CSMD1: variants seen among roughly 807,000 people sequenced by gnomAD.
The protein encoded by CSMD1 is CUB and Sushi multiple domains 1.
Under a neutral mutation model 417.5 loss-of-function variants are expected in CSMD1, and 213 were observed. The ratio of observed to expected loss-of-function variants is 0.51; its 90% CI spans 0.46 to 0.57. The LOEUF is 0.57. Ranked by LOEUF, CSMD1 falls within the 20% of genes least tolerant of loss-of-function variation. CSMD1 has a pLI of 0.00. For synonymous variants in CSMD1, 2,862 were observed against 1,736.8 expected (o/e 1.65, Z -16.11); for missense variants, 6,923 against 4,529.7 (o/e 1.53, Z -15.17).
At chr8:4,665,558 T>C (rs192572517) in intron 1 of CSMD1, among the ~76,000 whole-genome samples, 27 of 152,286 alleles carry the variant, frequency 1.8e-4, no homozygotes, top group Admixed American at 1.8e-3. Context: ...AGTGATATGA[T>C]TTCCATCTCT....
intron 7 of CSMD1, among the ~76,000 whole-genome samples, chr8:3,631,958 A>G (rs558396749): frequency 6.6e-6 from 1 of 152,356 alleles, no homozygotes; most frequent in African/African-American, 2.4e-5. Context: ...AAATTTCAAC[A>G]TAGTAGCCTC....
chr8:3,136,701 A>G (rs568021607), intron 41 of CSMD1, among the ~76,000 whole-genome samples: 1 of 152,292 alleles, frequency 6.6e-6, no homozygotes, highest in African/African-American at 2.4e-5. Flanking sequence ...CATGGGTAGG[A>G]CCACCAGTGC....
chr8:3,514,843 G>A (rs973869772), intron 10 of CSMD1, among the ~76,000 whole-genome samples: 1 of 151,932 alleles, frequency 6.6e-6, no homozygotes, highest in Non-Finnish European at 1.5e-5. Flanking sequence ...ACATATTGCT[G>A]ATAATATCTA....
intron 3 of CSMD1, among the ~76,000 whole-genome samples, chr8:4,244,025 C>T (rs1802551366): frequency 6.6e-6 from 1 of 152,154 alleles, no homozygotes; most frequent in Admixed American, 6.5e-5. Flanking sequence ...TGCATTTTAA[C>T]CTGGCTGCAG....
In CSMD1 at chr8:3,767,236, G is replaced by C. The variant is rs575119317; in HGVS notation, c.819-13194C>G. Among the ~76,000 whole-genome samples, 10 of 152,346 alleles carry C rather than the reference G, an allele frequency of 6.6e-5. No homozygotes were observed. In the South Asian group the frequency reaches 2.1e-3, roughly 32 times the overall value. ...ACAGGCTCTGGACTGAGGCCAAAGA[G>C]CAGCTCAGGCTCTTTTATGAAAACC... is the stretch of plus-strand genomic sequence containing the variant. On this transcript the variant is annotated intron_variant, in intron 5 of 69. Transcript: ENST00000635120.
At chr8:3,632,135 T>G (rs1796811656) in intron 7 of CSMD1, among the ~76,000 whole-genome samples, 1 of 152,212 alleles carries the variant, frequency 6.6e-6, no homozygotes, top group Admixed American at 6.5e-5. Context: ...TCTTTAACAT[T>G]CCTGCTAGAG....
At chr8:4,387,464 A>G (rs180881895) in intron 3 of CSMD1, among the ~76,000 whole-genome samples, 1 of 149,954 alleles carries the variant, frequency 6.7e-6, no homozygotes, top group Admixed American at 6.8e-5. Flanking sequence ...ATAATCAGGA[A>G]GTTGAGTGTA....
chr8:4,359,391 C>T (rs1801621142), intron 3 of CSMD1, among the ~76,000 whole-genome samples: 1 of 152,198 alleles, frequency 6.6e-6, no homozygotes, highest in Admixed American at 6.5e-5. Flanking sequence ...TTTAAACTCA[C>T]AATAACATAT....
At chr8:3,570,439 T>C (rs202054111) in intron 10 of CSMD1, among the ~76,000 whole-genome samples, 1 of 86,696 alleles carries the variant, frequency 1.2e-5, no homozygotes, top group African/African-American at 2.8e-5. Flanking sequence ...TTCTAGGAAA[T>C]ATGTCTTCCA....
At chr8:4,629,589 A>C (rs555229802) in intron 2 of CSMD1, among the ~76,000 whole-genome samples, 1 of 152,328 alleles carries the variant, frequency 6.6e-6, no homozygotes, top group South Asian at 2.1e-4. Flanking sequence ...GTTAAGTTTT[A>C]GGAAGTCCAA....
intron 26 of CSMD1, among the ~76,000 whole-genome samples, chr8:3,256,323 A>AAAGAG (rs71199550): frequency 0.18 from 24,416 of 137,716 alleles, 2,502 homozygotes; most frequent in South Asian, 0.26. Flanking sequence ...AAAAAAAAAA[A>AAAGAG]AAGAGAAGAA....
intron 3 of CSMD1, among the ~76,000 whole-genome samples, chr8:4,197,167 G>A (rs1009988928): frequency 3.3e-5 from 5 of 152,024 alleles, no homozygotes; most frequent in Non-Finnish European, 4.4e-5. Flanking sequence ...GTTCTCCTAC[G>A]GTCAAAAAAT....
chr8:4,602,406 T>C (rs780998306), intron 2 of CSMD1, among the ~76,000 whole-genome samples: 2 of 152,142 alleles, frequency 1.3e-5, no homozygotes, highest in African/African-American at 2.4e-5. Flanking sequence ...TGGTCCAAGA[T>C]ACGGAACACA....
At chr8:4,691,765 G>A (rs1194874615) in intron 1 of CSMD1, among the ~76,000 whole-genome samples, 1 of 152,204 alleles carries the variant, frequency 6.6e-6, no homozygotes, top group East Asian at 1.9e-4. Flanking sequence ...TAGCCCAGCA[G>A]TGGAATGCTA....
chr8:4,607,122 T>G (rs1416778919), intron 2 of CSMD1, among the ~76,000 whole-genome samples: 1 of 151,908 alleles, frequency 6.6e-6, no homozygotes, highest in South Asian at 2.1e-4. Context: ...TTTGGAGCAC[T>G]TTTTTTTACC....
At chr8:3,646,273 T>A (rs536870429) in intron 7 of CSMD1, among the ~76,000 whole-genome samples, 1 of 152,152 alleles carries the variant, frequency 6.6e-6, no homozygotes, top group East Asian at 1.9e-4. Context: ...TTAACTGTAA[T>A]TTTTCTCAGT....
Position 4,205,996 on chromosome 8 carries a change from C to T in CSMD1, c.416-173897G>A, listed in dbSNP as rs184135320. 2.0e-5 allele frequency among the ~76,000 whole-genome samples: 3 copies of T among 152,226 alleles called. No homozygotes were observed. In the East Asian group the frequency reaches 5.8e-4, roughly 29 times the overall value. On this transcript the variant is annotated intron_variant, in intron 3 of 69. Coordinates refer to ENST00000635120, the MANE Select transcript of CSMD1 (RefSeq NM_033225.6). The stretch of plus-strand genomic sequence containing the variant: ...CCATTCTCTCTACTTCAGGAATTTT[C>T]TTTCTCTTTCTTCAGAAACTACATA...
intron 8 of CSMD1, among the ~76,000 whole-genome samples, chr8:3,610,741 A>C (rs116260937): frequency 1.3e-3 from 193 of 152,186 alleles, no homozygotes; most frequent in African/African-American, 4.6e-3. Context: ...TTTTATGCTC[A>C]GTAGAATTGC....
chr8:3,987,221 C>T (rs576316766), intron 5 of CSMD1, among the ~76,000 whole-genome samples: 3 of 152,336 alleles, frequency 2.0e-5, no homozygotes, highest in Non-Finnish European at 2.9e-5. Context: ...CAGCAGCACG[C>T]ACTCTTCCTG....
Sources: gnomAD v4.1 joint callset for allele counts (sites outside exome capture counted in the v4.1 genomes callset) on GRCh38, gnomAD v4.1.1 for gene constraint, MANE v1.5 for transcripts, NCBI Gene and HGNC (gene_info 2026-07-23, HGNC 2026-07-21) for gene names.